Variants in KLRF2 observed in about 807,000 individuals in gnomAD.
KLRF2 encodes the protein killer cell lectin-like receptor subfamily F member 2.
A neutral mutation model predicts 25.3 loss-of-function variants in KLRF2; 28 were observed. That is an observed-to-expected ratio of 1.11 (90% CI 0.82 to 1.52). The LOEUF (loss-of-function observed/expected upper bound fraction) is 1.52. KLRF2 is among the 40% of genes most tolerant of loss of function. KLRF2 has a pLI of 0.00. For missense variants in KLRF2, 265 were observed against 245.8 expected, an observed-to-expected ratio of 1.08 and a Z score of -0.52; for synonymous variants, 73 against 85.0, an observed-to-expected ratio of 0.86 and a Z score of 0.78.
Position 9,893,095 on chromosome 12 carries a change from C to G in KLRF2, c.293C>G (p.Thr98Arg), listed in dbSNP as rs184171143. The change falls in exon 4 of 6, where the codon ACG becomes AGG. Residue 98 changes from threonine (T) to arginine (R), a missense_variant. Coordinates refer to ENST00000535540, the MANE Select transcript of KLRF2 (RefSeq NM_001190765.1). ...TACTGGTTTTCAACTTCTTTTAAAA[C>G]GTGGAAAGAGAGTCAACGTGATTGT... Reference protein sequence around the residue: ...KCYWFSTSFKTWKESQRDCTQ... With the variant: ...KCYWFSTSFKRWKESQRDCTQ... 6,276 of 1,535,274 alleles carry G rather than the reference C, an allele frequency of 4.1e-3. 17 individuals are homozygous for G. The highest frequency in any genetic ancestry group is 4.8e-3 in the Non-Finnish European group (5,550 of 1,146,376).
In KLRF2 at chr12:9,881,506, T is replaced by G; in HGVS notation, c.-90T>G. 1.0e-6 allele frequency: 1 copy of G among 954,214 alleles called. No individual in the cohort carries two copies. The highest frequency in any genetic ancestry group is 1.6e-6 in the Non-Finnish European group (1 of 636,254). The allele number at this position is 954,214 out of a possible 1,614,324, so 59.1% of individuals were successfully genotyped here. On this transcript the variant is annotated 5_prime_UTR_variant, in exon 1 of 6. Transcript: ENST00000535540. ...TTCCTTTTAGTTTTCTTTTAGTACC[T>G]TGTGCCAAAGAGACATATCCAAGGT...
chr12:9,886,763 C>CCA (rs1555126310), intron 2 of KLRF2, among the ~76,000 whole-genome samples: 1 of 103,518 alleles, frequency 9.7e-6, no homozygotes, highest in Non-Finnish European at 1.9e-5. Context: ...CTATATCATG[C>CCA]AAAAAAAAAA....
Position 9,893,172 on chromosome 12 carries a change from A to G in KLRF2, c.366+4A>G. The G allele has an allele frequency of 6.5e-7, 1 of 1,529,892 alleles. No homozygotes were observed. Among genetic ancestry groups the G allele is most frequent in the Non-Finnish European group, 8.8e-7 (1 of 1,142,546 alleles). The allele number at this position is 1,529,892 out of a possible 1,614,324, so 94.8% of individuals were successfully genotyped here. A position where few individuals can be genotyped will look rare whatever the true frequency, so the allele number is the denominator to read the frequency against. On this transcript the variant is annotated splice_donor_region_variant and intron_variant, in intron 4 of 5. Coordinates refer to ENST00000535540, the MANE Select transcript of KLRF2 (RefSeq NM_001190765.1). ...GATTCAAAATTTGGATGAGCTGGTG[A>G]GAAATCAAAAACAGGATCTAACTGC...
At position 9,895,682 on chromosome 12, in the gene KLRF2, C is replaced by T. The variant is rs533080525; in HGVS notation, c.480-7C>T. ...AAATGCTGAAAAATCTGTCCTTTGT[C>T]TCTTAGGTTTTCAGTGATTGGACCA... On this transcript the variant is annotated splice_region_variant and splice_polypyrimidine_tract_variant and intron_variant, in intron 5 of 5. Coordinates refer to ENST00000535540, the MANE Select transcript of KLRF2 (RefSeq NM_001190765.1). 20 of 1,518,126 alleles carry T rather than the reference C, an allele frequency of 1.3e-5. No homozygotes were observed. Among genetic ancestry groups the T allele is most frequent in the South Asian group, 1.1e-4 (9 of 80,330 alleles). The allele number at this position is 1,518,126 out of a possible 1,614,324, so 94.0% of individuals were successfully genotyped here.
intron 2 of KLRF2, 128 bp from the exon 3 acceptor site, chr12:9,888,605 A>G: frequency 1.8e-6 from 1 of 556,162 alleles, no homozygotes; most frequent in Non-Finnish European, 3.2e-6. Context: ...GAGTGGATGC[A>G]TAGGAGAAGA....
At chr12:9,889,699 T>A (rs1862651187) in intron 3 of KLRF2, among the ~76,000 whole-genome samples, 1 of 151,778 alleles carries the variant, frequency 6.6e-6, no homozygotes, top group Non-Finnish European at 1.5e-5. Context: ...CACACATATA[T>A]ACATATATGT....
At chr12:9,893,843 A>G (rs574799576) in intron 5 of KLRF2, among the ~76,000 whole-genome samples, 3 of 152,238 alleles carry the variant, frequency 2.0e-5, no homozygotes, top group Admixed American at 1.3e-4. Flanking sequence ...AGCTGATTTA[A>G]ATCTCATTTG....
chr12:9,888,096 G>GA (rs111917558), intron 2 of KLRF2, among the ~76,000 whole-genome samples: 1,519 of 101,248 alleles, frequency 0.015, 23 homozygotes, highest in African/African-American at 0.042. Flanking sequence ...TAATAAAAAT[G>GA]AAAAAAAAAA....
At chr12:9,882,648 G>A (rs1038055166) in intron 1 of KLRF2, among the ~76,000 whole-genome samples, 1 of 152,162 alleles carries the variant, frequency 6.6e-6, no homozygotes, top group African/African-American at 2.4e-5. Context: ...GGGTATGGTG[G>A]CGTGTGCCTG....
chr12:9,894,700 G>C (rs904449599), intron 5 of KLRF2, among the ~76,000 whole-genome samples: 49 of 152,108 alleles, frequency 3.2e-4, no homozygotes, highest in African/African-American at 1.1e-3. Context: ...GTTCATTTCA[G>C]TTCAGATATT....
chr12:9,892,290 A>G (rs565602435), intron 3 of KLRF2, among the ~76,000 whole-genome samples: 1 of 152,364 alleles, frequency 6.6e-6, no homozygotes, highest in East Asian at 1.9e-4. Flanking sequence ...GCACAGGAGA[A>G]TAAGTACCCA....
intron 3 of KLRF2, among the ~76,000 whole-genome samples, chr12:9,890,670 A>G (rs1262480511): frequency 1.3e-5 from 2 of 152,206 alleles, no homozygotes; most frequent in African/African-American, 4.8e-5. Context: ...TACTTGGGAT[A>G]ATCTTTCTTT....
chr12:9,885,081 T>A, intron 2 of KLRF2, 49 bp downstream of exon 2: 3 of 634,246 alleles, frequency 4.7e-6, no homozygotes, highest in Non-Finnish European at 6.9e-6. Flanking sequence ...AGATAAATGT[T>A]GATCCTTCAT....
intron 3 of KLRF2, among the ~76,000 whole-genome samples, chr12:9,890,243 C>A (rs546916864): frequency 6.6e-6 from 1 of 152,246 alleles, no homozygotes; most frequent in African/African-American, 2.4e-5. Flanking sequence ...TGATATATAA[C>A]AAATTACCAC....
intron 1 of KLRF2, among the ~76,000 whole-genome samples, chr12:9,883,294 TTA>T (rs1868114365): frequency 6.6e-6 from 1 of 152,148 alleles, no homozygotes; most frequent in Non-Finnish European, 1.5e-5. Flanking sequence ...AATAATACAA[TTA>T]GTGTTCTTGC....
chr12:9,893,616 TTC>T (rs1437300282), intron 5 of KLRF2, 75 bp downstream of exon 5: 3 of 526,818 alleles, frequency 5.7e-6, no homozygotes, highest in Non-Finnish European at 9.5e-6. Flanking sequence ...TCACTTTCCA[TTC>T]TTTTTTCCTT....
At chr12:9,892,873 C>G (rs1335327264) in intron 3 of KLRF2, 147 bp from the exon 4 acceptor site, 33 of 593,604 alleles carry the variant, frequency 5.6e-5, no homozygotes, top group Non-Finnish European at 9.0e-5. Flanking sequence ...CGTGAGCCAC[C>G]GCGCCTGGTC....
At chr12:9,887,754 G>C (rs1862615262) in intron 2 of KLRF2, among the ~76,000 whole-genome samples, 1 of 144,542 alleles carries the variant, frequency 6.9e-6, no homozygotes, top group Admixed American at 6.9e-5. Flanking sequence ...TCTGCAACAA[G>C]GGAAAATAAG....
In KLRF2 at chr12:9,881,499, T is replaced by C. The variant is rs1265613171; in HGVS notation, c.-97T>C. ...TTTGGCCTTCCTTTTAGTTTTCTTTTAGTACCTTGTGCCAAAGAGACATAT... is the reference window on the plus strand; with the variant it reads ...TTTGGCCTTCCTTTTAGTTTTCTTTCAGTACCTTGTGCCAAAGAGACATAT... On this transcript the variant is annotated 5_prime_UTR_variant, in exon 1 of 6. Transcript: ENST00000535540. 1 of 883,890 alleles carries C rather than the reference T, an allele frequency of 1.1e-6. No individual in the cohort carries two copies. Among genetic ancestry groups the C allele is most frequent in the African/African-American group, 1.7e-5 (1 of 59,532 alleles). 54.8% of individuals were successfully genotyped at this position (883,890 alleles called of 1,614,324 possible).
Sources: gnomAD v4.1 joint callset for allele counts (sites outside exome capture counted in the v4.1 genomes callset) on GRCh38, gnomAD v4.1.1 for gene constraint, MANE v1.5 for transcripts, NCBI Gene and HGNC (gene_info 2026-07-23, HGNC 2026-07-21) for gene names.